MYO15A: variants seen among roughly 807,000 people sequenced by gnomAD.
MYO15A encodes myosin XVA.
A neutral mutation model predicts 394.6 loss-of-function variants in MYO15A; 308 were observed. The ratio of observed to expected loss-of-function variants is 0.78; its 90% CI spans 0.71 to 0.86. The LOEUF is 0.86. MYO15A is among the 40% of genes least tolerant of loss of function. The pLI is 0.00. For missense variants in MYO15A, 4,606 were observed against 4,799.1 expected (o/e 0.96, Z 1.19); for synonymous variants, 1,957 against 2,003.8 (o/e 0.98, Z 0.62).
In MYO15A at chr17:18,119,626, GACCACTACTACGGGT is replaced by G. The variant is rs746917497; in HGVS notation, c.830_844del (p.His277_Tyr281del). The G allele has an allele frequency of 6.2e-7, 1 of 1,603,124 alleles. No homozygotes were observed. Among genetic ancestry groups the G allele is most frequent in the South Asian group, 1.1e-5 (1 of 91,070 alleles). On this transcript the variant is annotated inframe_deletion, in exon 2 of 66. Transcript: ENST00000647165. ...CAGCCCGGCCTGGCCACCCTACGGC[GACCACTACTACGGGT>G]ACCCGCCCGAGGATCCCTACGACTA...
At chr17:18,137,494 A>C in intron 15 of MYO15A, 90 bp from the exon 16 acceptor site, 2 of 1,131,610 alleles carry the variant, frequency 1.8e-6, no homozygotes, top group Non-Finnish European at 2.6e-6. Context: ...GCTGAGCTCC[A>C]GCTTTTTGAA....
Position 18,159,626 on chromosome 17 carries a change from G to A in MYO15A, c.9250G>A (p.Asp3084Asn), listed in dbSNP as rs1449972574. 3.7e-6 allele frequency: 6 copies of A among 1,614,034 alleles called. No individual in the cohort carries two copies. Among genetic ancestry groups the A allele is most frequent in the African/African-American group, 2.7e-5 (2 of 74,912 alleles). The change falls in exon 55 of 66, where the codon GAT (aspartate) becomes AAT (asparagine). Residue 3084 changes from aspartate (D) to asparagine (N), a missense_variant. Physicochemically the swap from Asp to Asn is conservative, Grantham distance 23. Coordinates refer to ENST00000647165, the MANE Select transcript of MYO15A (RefSeq NM_016239.4). Reference sequence around the variant, plus strand: ...TACAGCTGTAATGAGGTTCATGGGGGATGCCCCACTGAAGGGCCAGAGTGA... The same window carrying A: ...TACAGCTGTAATGAGGTTCATGGGGAATGCCCCACTGAAGGGCCAGAGTGA... ...MFLAVMRFMG[D>N]APLKGQSDLD...
chr17:18,156,022 C>A, intron 47 of MYO15A, 173 bp from the exon 48 acceptor site: 1 of 954,712 alleles, frequency 1.0e-6, no homozygotes. Flanking sequence ...GCTGAAGCCA[C>A]AGCCTGGGTC....
At position 18,125,080 on chromosome 17, in the gene MYO15A, G is replaced by A. The variant is rs1033699168; in HGVS notation, c.3693-88G>A. 5.8e-5 allele frequency: 74 copies of A among 1,267,784 alleles called. No homozygotes were observed. In the East Asian group the frequency reaches 1.6e-3, roughly 27 times the overall value. 78.5% of individuals were successfully genotyped at this position (1,267,784 alleles called of 1,614,324 possible). A position where few individuals can be genotyped will look rare whatever the true frequency, so the allele number is the denominator to read the frequency against. ...ACAGGACTTGAATTCAGGCCTATCT[G>A]ATCAAGGCACTGCACTGAGTTGGGG... On this transcript the variant is annotated intron_variant, in intron 3 of 65. Transcript: ENST00000647165.
Position 18,159,669 on chromosome 17 carries a change from AC to A in MYO15A, c.9295del (p.Leu3099SerfsTer2), listed in dbSNP as rs2046745342. 1 of 1,613,896 alleles carries A rather than the reference AC, an allele frequency of 6.2e-7. No individual in the cohort carries two copies. The highest frequency in any genetic ancestry group is 1.7e-5 in the Admixed American group (1 of 59,986). On this transcript the variant is annotated frameshift_variant, in exon 55 of 66. Coordinates refer to ENST00000647165, the MANE Select transcript of MYO15A (RefSeq NM_016239.4). LOFTEE classifies it high-confidence loss of function. ...KGQSDLDVLC[N>X]LLKLCGDHEV... The stretch of plus-strand genomic sequence containing the variant: ...CAGAGTGACCTGGACGTGCTTTGTA[AC>A]CTCCTGAAGGTCAGTCCAGCCAACT...
rs1219918596 is a variant in MYO15A, at chr17:18,119,114, C to T, written c.314C>T (p.Ser105Phe). The T allele has an allele frequency of 1.9e-6, 3 of 1,611,920 alleles. No individual in the cohort carries two copies. The highest frequency in any genetic ancestry group is 2.7e-5 in the African/African-American group (2 of 74,938). Residue 105 changes from serine (S) to phenylalanine (F), a missense_variant, in exon 2 of 66, where the codon TCC becomes TTC. Ser to Phe is a radical substitution (Grantham distance 155, BLOSUM62 -2). Around this residue, in one of 2 missense-constraint regions of MYO15A, gnomAD observed 1,830 missense variants for 1,689.7 expected, o/e 1.08. Coordinates refer to ENST00000647165, the MANE Select transcript of MYO15A (RefSeq NM_016239.4). ...KKRAMKGKKP[S>F]FMVIRFPGRR... ...CGGGCGATGAAGGGCAAGAAGCCGT[C>T]CTTCATGGTGATCCGCTTCCCAGGC...
Position 18,148,639 on chromosome 17 carries a change from C to G in MYO15A, c.6764+71C>G, listed in dbSNP as rs185842709. 6.5e-7 allele frequency: 1 copy of G among 1,546,682 alleles called. No homozygotes were observed. Among genetic ancestry groups the G allele is most frequent in the Non-Finnish European group, 8.7e-7 (1 of 1,143,452 alleles). ...ATGTTGTGGGGGGAGGTCAGATCCC[C>G]CAGAGGGTCCCATAGGGTCCATTCT... On this transcript the variant is annotated intron_variant, in intron 32 of 65. Transcript: ENST00000647165. The surrounding 1 kb of genome is among the most constrained non-coding windows in gnomAD (Gnocchi z 4.8).
chr17:18,169,913 G>A (rs1241876393), intron 62 of MYO15A, among the ~76,000 whole-genome samples: 4 of 143,584 alleles, frequency 2.8e-5, no homozygotes, highest in African/African-American at 7.9e-5. Context: ...CGAGGCTGCA[G>A]TGAGCCGTGA....
chr17:18,161,471 C>G, intron 57 of MYO15A, 24 bp downstream of exon 57: 2 of 1,612,258 alleles, frequency 1.2e-6, no homozygotes, highest in Non-Finnish European at 1.7e-6. Flanking sequence ...GAGTGGGAAC[C>G]CAGGGCTGCA....
chr17:18,131,618 G>A (rs2046168030), intron 10 of MYO15A, 87 bp downstream of exon 10: 1 of 1,488,206 alleles, frequency 6.7e-7, no homozygotes, highest in Non-Finnish European at 9.3e-7. Flanking sequence ...GGTAGGGCTA[G>A]GTAGACGTCA....
chr17:18,129,032 A>G (rs3794789), intron 7 of MYO15A, among the ~76,000 whole-genome samples: 1 of 152,314 alleles, frequency 6.6e-6, no homozygotes, highest in East Asian at 1.9e-4. Context: ...ATCTTAAACA[A>G]TGTTTCTTGT....
Position 18,159,959 on chromosome 17 carries a change from C to T in MYO15A, c.9328C>T (p.Arg3110Trp), listed in dbSNP as rs773489275. ...GCTGTGCGGGGACCATGAGGTCATG[C>T]GGGATGAATGTTACTGCCAAGTTGT... ...LKLCGDHEVM[R>W]DECYCQVVKQ... The change falls in exon 56 of 66, where the codon CGG (arginine) becomes TGG (tryptophan). Residue 3110 changes from arginine to tryptophan, a missense_variant. Physicochemically the swap from Arg to Trp is moderately radical, Grantham distance 101. Transcript: ENST00000647165. 2.7e-5 allele frequency: 44 copies of T among 1,613,890 alleles called. No homozygotes were observed. The highest frequency in any genetic ancestry group is 4.5e-5 in the East Asian group (2 of 44,878).
intron 2 of MYO15A, chr17:18,123,800 T>C (rs1455768072): frequency 4.5e-5 from 7 of 156,916 alleles, no homozygotes; most frequent in Admixed American, 4.2e-4. Context: ...AAAGGTGGCA[T>C]CAGGACTTCC....
intron 42 of MYO15A, among the ~76,000 whole-genome samples, chr17:18,153,000 T>C (rs1216222868): frequency 9.2e-5 from 14 of 152,228 alleles, no homozygotes; most frequent in Admixed American, 9.2e-4. Flanking sequence ...GAGCTTTGTT[T>C]CTGAATGATC....
Position 18,148,992 on chromosome 17 carries a change from C to G in MYO15A, c.6956+40C>G, listed in dbSNP as rs1351494538. ...GGGACCCCCTCACAGATGGCCACTCCCAGGCAGAAGGCCGGCCACTCCCAG... is the reference window on the plus strand; with the variant it reads ...GGGACCCCCTCACAGATGGCCACTCGCAGGCAGAAGGCCGGCCACTCCCAG... On this transcript the variant is annotated intron_variant, in intron 33 of 65. Transcript: ENST00000647165. This position sits in a 1 kb window ranked among gnomAD's most constrained non-coding sequence, Gnocchi z 4.8. The G allele has an allele frequency of 6.4e-7, 1 of 1,552,762 alleles. No homozygotes were observed. The highest frequency in any genetic ancestry group is 1.9e-5 in the Admixed American group (1 of 51,816).
At chr17:18,174,721 C>T (rs1307821253) in intron 65 of MYO15A, among the ~76,000 whole-genome samples, 3 of 151,918 alleles carry the variant, frequency 2.0e-5, no homozygotes, top group Non-Finnish European at 4.4e-5. Context: ...AGATAGGATT[C>T]AGGCCCAGAG....
At position 18,156,938 on chromosome 17, in the gene MYO15A, C is replaced by A. The variant is rs1220776631; in HGVS notation, c.8602-16C>A. 4 of 1,612,162 alleles carry A rather than the reference C, an allele frequency of 2.5e-6. No homozygotes were observed. Among genetic ancestry groups the A allele is most frequent in the Non-Finnish European group, 3.4e-6 (4 of 1,178,214 alleles). On this transcript the variant is annotated splice_polypyrimidine_tract_variant and intron_variant, in intron 48 of 65. Coordinates refer to ENST00000647165, the MANE Select transcript of MYO15A (RefSeq NM_016239.4). ...TGATAGGGCTGTTGCCCTCACCCTG[C>A]CTCTGGCTGACCCAGGACTCTGACT...
chr17:18,133,966 T>C (rs2046217764), intron 12 of MYO15A, among the ~76,000 whole-genome samples: 1 of 151,614 alleles, frequency 6.6e-6, no homozygotes, highest in African/African-American at 2.4e-5. Context: ...CCCTTTGGTG[T>C]TTATTTTATT....
intron 60 of MYO15A, among the ~76,000 whole-genome samples, chr17:18,165,274 A>T (rs1435662278): frequency 2.6e-5 from 4 of 152,200 alleles, no homozygotes; most frequent in African/African-American, 9.7e-5. Flanking sequence ...GGCTTAAAAA[A>T]ACATAAATAT....
Sources: allele counts gnomAD v4.1 joint callset (sites outside exome capture counted in the v4.1 genomes callset), GRCh38; gene constraint gnomAD v4.1.1; regional missense constraint gnomAD v4.1.1; non-coding constraint Gnocchi (gnomAD v3.1); transcripts MANE v1.5; gene names NCBI Gene and HGNC (gene_info 2026-07-23, HGNC 2026-07-21).